Variants in NOX4 observed in about 807,000 individuals in gnomAD.
The protein encoded by NOX4 is kidney oxidase-1.
In NOX4, 69 loss-of-function variants were observed where a neutral mutation model predicts 87.6. That is an observed-to-expected ratio of 0.79 (90% CI 0.65 to 0.96). The LOEUF (loss-of-function observed/expected upper bound fraction) is 0.96. Ranked by LOEUF, NOX4 falls within the 40% of genes least tolerant of loss-of-function variation. The pLI, the probability that NOX4 is intolerant of heterozygous loss-of-function variation, is 0.00. For synonymous variants in NOX4, 275 were observed against 238.2 expected, an observed-to-expected ratio of 1.15 and a Z score of -1.42; for missense variants, 680 against 681.5, an observed-to-expected ratio of 1.00 and a Z score of 0.02.
chr11:89,413,989 T>C (rs1278803701), intron 8 of NOX4, among the ~76,000 whole-genome samples: 6 of 152,020 alleles, frequency 3.9e-5, no homozygotes, highest in Non-Finnish European at 2.9e-5. Flanking sequence ...TGTGTATATA[T>C]GTATATGTGT....
chr11:89,326,719 A>C lies in NOX4; in HGVS notation c.*37T>G. 6.3e-7 allele frequency: 1 copy of C among 1,597,440 alleles called. No homozygotes were observed. The highest frequency in any genetic ancestry group is 2.2e-5 in the East Asian group (1 of 44,576). On this transcript the variant is annotated 3_prime_UTR_variant, in exon 18 of 18. Coordinates refer to ENST00000263317, the MANE Select transcript of NOX4 (RefSeq NM_016931.5). ...TTTCAAAGTCTTAGAAATTGCACTC[A>C]TTCCTTCTTTAGAGTCCTGCTTCAT...
intron 13 of NOX4, among the ~76,000 whole-genome samples, chr11:89,342,959 C>T (rs917600131): frequency 1.3e-5 from 2 of 152,068 alleles, no homozygotes; most frequent in Non-Finnish European, 2.9e-5. Context: ...GCAAAAAGTC[C>T]AGCCAAAATA....
chr11:89,534,596 C>G, the NOX4 span, among the ~76,000 whole-genome samples: 1 of 152,234 alleles, frequency 6.6e-6, no homozygotes, highest in African/African-American at 2.4e-5. Context: ...ACAGCTCTTG[C>G]CAGGGCCTTA....
chr11:89,566,043 C>CTTTTTTTT, the NOX4 span, among the ~76,000 whole-genome samples: 4 of 122,862 alleles, frequency 3.3e-5, no homozygotes, highest in South Asian at 2.5e-4. Context: ...TTCTTTTTTT[C>CTTTTTTTT]TTTTTTTTTT....
At chr11:89,545,491 GTAAA>G in the NOX4 span, 11 of 151,926 alleles carry the variant, frequency 7.2e-5, no homozygotes, top group Non-Finnish European at 1.6e-4. Flanking sequence ...AAAAATATAA[GTAAA>G]TTTTCAGTGG....
At chr11:89,507,653 A>T in the NOX4 span, among the ~76,000 whole-genome samples, 1 of 151,910 alleles carries the variant, frequency 6.6e-6, no homozygotes, top group East Asian at 1.9e-4. Flanking sequence ...GAATGTGGTT[A>T]TTCCACTTTA....
At chr11:89,498,114 C>G (rs981430864) in exon 1 of NOX4, 1 of 152,134 alleles carries the variant, frequency 6.6e-6, no homozygotes, top group Non-Finnish European at 1.5e-5. Context: ...GTGTGCCACT[C>G]TCTCTCAGAG....
At chr11:89,415,012 C>T (rs1378769416) in intron 8 of NOX4, among the ~76,000 whole-genome samples, 1 of 151,880 alleles carries the variant, frequency 6.6e-6, no homozygotes. Flanking sequence ...ATTCAGGGGT[C>T]AAACTTCATG....
chr11:89,340,876 G>T (rs562316748), intron 14 of NOX4, among the ~76,000 whole-genome samples: 3 of 151,734 alleles, frequency 2.0e-5, no homozygotes, highest in East Asian at 3.9e-4. Context: ...TGTAAGAACC[G>T]CCAGAAAGTA....
chr11:89,504,754 T>C, the NOX4 span, among the ~76,000 whole-genome samples: 1 of 151,960 alleles, frequency 6.6e-6, no homozygotes, highest in Non-Finnish European at 1.5e-5. Context: ...TCATACAAAC[T>C]TTGAGCACCT....
chr11:89,411,797 G>C (rs7116108), intron 8 of NOX4, among the ~76,000 whole-genome samples: 13,847 of 151,974 alleles, frequency 0.091, 790 homozygotes, highest in South Asian at 0.2. Context: ...ATAAGAAAAT[G>C]GTACAAGAAA....
chr11:89,410,721 C>T (rs1942434333), intron 8 of NOX4, among the ~76,000 whole-genome samples: 1 of 152,116 alleles, frequency 6.6e-6, no homozygotes, highest in Non-Finnish European at 1.5e-5. Context: ...CAGTCAAAAC[C>T]TAAGTCTCAG....
the NOX4 span, among the ~76,000 whole-genome samples, chr11:89,587,304 G>A: frequency 3.3e-5 from 5 of 152,094 alleles, no homozygotes; most frequent in African/African-American, 4.8e-5. Context: ...CCGCTATATA[G>A]GTACATTAAT....
At chr11:89,467,349 C>CAAAAAAAAAAAAAAA (rs71052233) in intron 2 of NOX4, among the ~76,000 whole-genome samples, 13 of 61,460 alleles carry the variant, frequency 2.1e-4, no homozygotes, top group African/African-American at 7.4e-4. Flanking sequence ...AAACTCGTCA[C>CAAAAAAAAAAAAAAA]AAAAAAAAAA....
the NOX4 span, among the ~76,000 whole-genome samples, chr11:89,543,747 A>G: frequency 6.6e-6 from 1 of 152,188 alleles, no homozygotes. Flanking sequence ...GTGTAAGTCA[A>G]CTAACATTAA....
chr11:89,359,532 A>G (rs1938351471), intron 12 of NOX4, among the ~76,000 whole-genome samples: 1 of 152,004 alleles, frequency 6.6e-6, no homozygotes, highest in African/African-American at 2.4e-5. Flanking sequence ...AAAAAAAGAA[A>G]GAAAAAAATA....
rs1207080261 is a variant in NOX4, at chr11:89,402,481, G to A, written c.691C>T (p.Arg231Ter). 12 of 1,612,376 alleles carry A rather than the reference G, an allele frequency of 7.4e-6. No individual in the cohort carries two copies. Among genetic ancestry groups the A allele is most frequent in the Admixed American group, 1.7e-5 (1 of 59,722 alleles). ...AAGGAAATATTCTGAGAGCTGGTTC[G>A]GTTAAGACTGATGCAGCCGGGAGGG... Reference protein sequence around the residue: ...THPPGCISLNRTSSQNISLPE... With the variant: ...THPPGCISLN The change falls in exon 9 of 18, where the codon CGA becomes TGA. Residue 231 changes from arginine to a stop codon, truncating the protein, a stop_gained. Coordinates refer to ENST00000263317, the MANE Select transcript of NOX4 (RefSeq NM_016931.5). LOFTEE classifies it high-confidence loss of function.
chr11:89,509,906 G>A, the NOX4 span, among the ~76,000 whole-genome samples: 1 of 151,948 alleles, frequency 6.6e-6, no homozygotes, highest in South Asian at 2.1e-4. Flanking sequence ...CCTCCTCTAT[G>A]CCAGGCACTG....
rs149581232 is a variant in NOX4, at chr11:89,434,114, T to A, written c.476-1258A>T. ...AAGAAAACTACTATGAAATAGAAGG[T>A]CTGTCATAGACTATGAGCCACCAGC... On this transcript the variant is annotated intron_variant, in intron 6 of 17. Coordinates refer to ENST00000263317, the MANE Select transcript of NOX4 (RefSeq NM_016931.5). Among the ~76,000 whole-genome samples the A allele has an allele frequency of 1.5e-3, 222 of 152,158 alleles. 1 individual carries two copies. The highest frequency in any genetic ancestry group is 4.1e-3 in the Admixed American group (63 of 15,244).
Sources: allele counts gnomAD v4.1 joint callset (sites outside exome capture counted in the v4.1 genomes callset), GRCh38; gene constraint gnomAD v4.1.1; transcripts MANE v1.5; gene names NCBI Gene and HGNC (gene_info 2026-07-23, HGNC 2026-07-21).